Variants in DROSHA observed in about 807,000 individuals in gnomAD.
The protein encoded by DROSHA is ribonuclease 3.
In DROSHA, 56 loss-of-function variants were observed where a neutral mutation model predicts 181.9. That is an observed-to-expected ratio of 0.31 (90% CI 0.25 to 0.38). The LOEUF (loss-of-function observed/expected upper bound fraction) is 0.38, where lower values mean the gene tolerates loss of function less well. Ranked by LOEUF, DROSHA falls within the 10% of genes least tolerant of loss-of-function variation. The probability of loss-of-function intolerance (pLI) is 1.00; values close to 1 mark genes in which losing one functional copy is unlikely to be tolerated. For synonymous variants in DROSHA, 524 were observed against 591.2 expected, an observed-to-expected ratio of 0.89 and a Z score of 1.65; for missense variants, 1,218 against 1,743.5, an observed-to-expected ratio of 0.70 and a Z score of 5.37.
chr5:31,459,018 C>A (rs1348813484), intron 20 of DROSHA, among the ~76,000 whole-genome samples: 1 of 152,156 alleles, frequency 6.6e-6, no homozygotes, highest in Non-Finnish European at 1.5e-5. Context: ...ATTAAAGAGA[C>A]TTAAACAACA....
intron 20 of DROSHA, among the ~76,000 whole-genome samples, chr5:31,461,395 A>C (rs1748387251): frequency 6.6e-6 from 1 of 152,190 alleles, no homozygotes; most frequent in Non-Finnish European, 1.5e-5. Flanking sequence ...CTCTTAGTTA[A>C]AATGTACCCA....
intron 20 of DROSHA, among the ~76,000 whole-genome samples, chr5:31,460,902 C>CA (rs986685990): frequency 2.0e-5 from 3 of 151,732 alleles, no homozygotes; most frequent in South Asian, 4.2e-4. Flanking sequence ...ATTCTACTGG[C>CA]AAAAAACAAC....
chr5:31,455,086 T>C (rs1236070320), intron 20 of DROSHA, among the ~76,000 whole-genome samples: 2 of 151,412 alleles, frequency 1.3e-5, no homozygotes, highest in East Asian at 1.9e-4. Flanking sequence ...GAAAGGAAGA[T>C]TTGAAAAGAA....
intron 5 of DROSHA, among the ~76,000 whole-genome samples, chr5:31,524,472 T>A (rs1407206116): frequency 6.6e-6 from 1 of 152,184 alleles, no homozygotes; most frequent in African/African-American, 2.4e-5. Flanking sequence ...GTAAGTACAC[T>A]ACTGGGGAAA....
intron 24 of DROSHA, 148 bp from the exon 25 acceptor site, chr5:31,436,012 A>G: frequency 1.4e-6 from 1 of 691,264 alleles, no homozygotes; most frequent in South Asian, 1.9e-5. Context: ...AGTCTTTGAA[A>G]GTTAAATGGT....
intron 20 of DROSHA, among the ~76,000 whole-genome samples, chr5:31,460,778 T>C (rs1031899205): frequency 6.6e-6 from 1 of 152,196 alleles, no homozygotes; most frequent in Non-Finnish European, 1.5e-5. Flanking sequence ...TAAATGCTTT[T>C]ATTTTGGAGG....
In DROSHA at chr5:31,521,120, T is replaced by A; in HGVS notation, c.947+3A>T. 1 of 1,613,498 alleles carries A rather than the reference T, an allele frequency of 6.2e-7. No homozygotes were observed. The highest frequency in any genetic ancestry group is 8.5e-7 in the Non-Finnish European group (1 of 1,179,530). On this transcript the variant is annotated splice_donor_region_variant and intron_variant, in intron 6 of 35. Coordinates refer to ENST00000344624, the MANE Select transcript of DROSHA (RefSeq NM_001382508.1). ...CTTCTTTCAGTGTCAACTCCTTGCT[T>A]ACCTTCCAGATCTCTTATACTCTTT...
chr5:31,447,521 C>T (rs1746458030), intron 23 of DROSHA, among the ~76,000 whole-genome samples: 1 of 152,102 alleles, frequency 6.6e-6, no homozygotes, highest in African/African-American at 2.4e-5. Flanking sequence ...ATAGCTAAAA[C>T]TTCATCAAAA....
At chr5:31,503,932 G>GT (rs1334291542) in intron 11 of DROSHA, among the ~76,000 whole-genome samples, 1 of 152,136 alleles carries the variant, frequency 6.6e-6, no homozygotes, top group Non-Finnish European at 1.5e-5. Flanking sequence ...CATATACTAT[G>GT]TTTAAATACA....
chr5:31,439,034 A>C (rs972474473), intron 23 of DROSHA, among the ~76,000 whole-genome samples: 1 of 152,170 alleles, frequency 6.6e-6, no homozygotes, highest in Non-Finnish European at 1.5e-5. Context: ...AGTCCTGTGA[A>C]GTCACTGAGG....
chr5:31,433,144 G>A (rs1328866314), intron 25 of DROSHA, among the ~76,000 whole-genome samples: 11 of 152,084 alleles, frequency 7.2e-5, no homozygotes, highest in Non-Finnish European at 1.6e-4. Flanking sequence ...GTCTCAGTAT[G>A]TATCTTAAAT....
At chr5:31,482,185 C>G (rs573549775) in intron 16 of DROSHA, among the ~76,000 whole-genome samples, 7 of 152,284 alleles carry the variant, frequency 4.6e-5, no homozygotes, top group African/African-American at 1.7e-4. Flanking sequence ...AAAAGCTCCC[C>G]AACCAAGATT....
chr5:31,435,380 T>C (rs1007193137), intron 25 of DROSHA, among the ~76,000 whole-genome samples: 3 of 152,226 alleles, frequency 2.0e-5, no homozygotes, highest in Admixed American at 2.0e-4. Context: ...AAGCTATCAT[T>C]TGGCTTGTTA....
chr5:31,405,688 G>A lies in DROSHA; in HGVS notation c.3983C>T (p.Ala1328Val). ...QQAEMGAAMD[A>V]LEKYNFPQMA... ...AAAAACAGGCTTACATTTTTCAAGC[G>A]CATCCATTGCTGCTCCCATTTCCGC... The change falls in exon 35 of 36, where the codon GCG becomes GTG. Residue 1328 changes from alanine (A) to valine (V), a missense_variant. Ala to Val is a moderately conservative substitution (Grantham distance 64). Transcript: ENST00000344624. 2.6e-6 allele frequency: 4 copies of A among 1,555,196 alleles called. No homozygotes were observed. The highest frequency in any genetic ancestry group is 1.2e-5 in the South Asian group (1 of 82,176).
At chr5:31,435,728 C>G in intron 25 of DROSHA, 37 bp downstream of exon 25, 1 of 1,586,864 alleles carries the variant, frequency 6.3e-7, no homozygotes, top group Non-Finnish European at 8.6e-7. Context: ...AAGAGCATGT[C>G]AGACGTAACT....
chr5:31,467,821 G>A, intron 18 of DROSHA, 118 bp downstream of exon 18: 3 of 1,317,440 alleles, frequency 2.3e-6, no homozygotes, highest in East Asian at 5.2e-5. Context: ...TTGGAAGTAT[G>A]GCTCATTTCA....
At chr5:31,505,014 G>A (rs937934313) in intron 10 of DROSHA, among the ~76,000 whole-genome samples, 3 of 152,176 alleles carry the variant, frequency 2.0e-5, no homozygotes, top group African/African-American at 7.2e-5. Flanking sequence ...AACACATAGA[G>A]TGTTTTGAAG....
intron 25 of DROSHA, among the ~76,000 whole-genome samples, chr5:31,435,149 C>T (rs1299773479): frequency 1.3e-5 from 2 of 152,128 alleles, no homozygotes; most frequent in Admixed American, 1.3e-4. Flanking sequence ...TTCTTATCAG[C>T]CATGATTTAT....
intron 23 of DROSHA, among the ~76,000 whole-genome samples, chr5:31,447,281 G>A (rs942167557): frequency 6.6e-6 from 1 of 152,134 alleles, no homozygotes; most frequent in African/African-American, 2.4e-5. Context: ...ATAACTAATA[G>A]CTATTAGGCT....
Sources: allele counts gnomAD v4.1 joint callset (sites outside exome capture counted in the v4.1 genomes callset), GRCh38; gene constraint gnomAD v4.1.1; transcripts MANE v1.5; gene names NCBI Gene and HGNC (gene_info 2026-07-23, HGNC 2026-07-21).